The following OR4K14 variants were observed in gnomAD, a reference collection of about 807,000 sequenced individuals.
OR4K14 encodes olfactory receptor 4K14.
For missense variants in OR4K14, 406 were observed against 373.6 expected, an observed-to-expected ratio of 1.09 and a Z score of -0.72; for synonymous variants, 153 against 141.5, an observed-to-expected ratio of 1.08 and a Z score of -0.58.
In OR4K14 at chr14:20,015,182, C is replaced by T; in HGVS notation, c.12G>A (p.Gln4=). Residue 4 remains glutamine, a synonymous_variant, in exon 2 of 2, where the codon CAG becomes CAA. Coordinates refer to ENST00000641793, the MANE Select transcript of OR4K14 (RefSeq NM_001004712.2). ...CAAATTCTGACACCAAGGAATAGTT[C>T]TGTGGGTCCATTGCCTCAGGTTTCA... MDP[Q]NYSLVSEFVL... 6.3e-7 allele frequency: 1 copy of T among 1,598,218 alleles called. No individual in the cohort carries two copies. The highest frequency in any genetic ancestry group is 8.5e-7 in the Non-Finnish European group (1 of 1,173,570).
chr14:20,018,688 G>C (rs754857116), intron 1 of OR4K14, among the ~76,000 whole-genome samples: 1 of 152,046 alleles, frequency 6.6e-6, no homozygotes, highest in Non-Finnish European at 1.5e-5. Context: ...ATTTGCTATT[G>C]AATCAAAGTT....
rs969434655 is a variant in OR4K14, at chr14:20,015,266, G to A, written c.-29-44C>T. The A allele has an allele frequency of 6.4e-5, 56 of 878,028 alleles. 1 individual carries two copies. The highest frequency in any genetic ancestry group is 4.6e-4 in the Admixed American group (20 of 43,046). The allele number at this position is 878,028 out of a possible 1,614,324, so 54.4% of individuals were successfully genotyped here. ...CCTGTCATTTGCAGCAACACCTCAA[G>A]GACATTGTATTAAGTGAAATAAGCC... On this transcript the variant is annotated intron_variant, in intron 1 of 1. Coordinates refer to ENST00000641793, the MANE Select transcript of OR4K14 (RefSeq NM_001004712.2).
chr14:20,014,547 A>G lies in OR4K14; in HGVS notation c.647T>C (p.Leu216Pro). The change falls in exon 2 of 2, where the codon CTG (leucine) becomes CCG (proline). Residue 216 changes from leucine (L) to proline (P), a missense_variant. By Grantham distance (98) the Leu-to-Pro change is moderately conservative. Coordinates refer to ENST00000641793, the MANE Select transcript of OR4K14 (RefSeq NM_001004712.2). ...LLSLSCFLLLLISYTVILLAI... is the reference protein window; with the variant it reads ...LLSLSCFLLLPISYTVILLAI... Reference sequence around the variant, plus strand: ...GAGGAGGATCACGGTGTAGGAGATCAGGAGGAGCAGAAAACAGCTCAAGGA... The same window carrying G: ...GAGGAGGATCACGGTGTAGGAGATCGGGAGGAGCAGAAAACAGCTCAAGGA... 1.2e-6 allele frequency: 2 copies of G among 1,614,130 alleles called. No homozygotes were observed. The highest frequency in any genetic ancestry group is 1.7e-6 in the Non-Finnish European group (2 of 1,179,992).
At chr14:20,016,459 T>C (rs1877102308) in intron 1 of OR4K14, among the ~76,000 whole-genome samples, 1 of 152,038 alleles carries the variant, frequency 6.6e-6, no homozygotes, top group African/African-American at 2.4e-5. Context: ...AAAAGTCTCA[T>C]TTATTGTGTT....
In OR4K14 at chr14:20,014,534, G is replaced by A. The variant is rs1877047775; in HGVS notation, c.660C>T (p.Thr220=). ...GCTGTCTGATAGCGAGGAGGATCAC[G>A]GTGTAGGAGATCAGGAGGAGCAGAA... ...SCFLLLLISY[T]VILLAIRQRA... is the part of the protein sequence containing the mutation. Residue 220 remains threonine (T), a synonymous_variant, in exon 2 of 2, where the codon ACC becomes ACT. Transcript: ENST00000641793. 7 of 1,613,920 alleles carry A rather than the reference G, an allele frequency of 4.3e-6. No homozygotes were observed. The highest frequency in any genetic ancestry group is 1.3e-5 in the African/African-American group (1 of 74,906).
chr14:20,014,627 G>A lies in OR4K14; in HGVS notation c.567C>T (p.Ala189=). The change falls in exon 2 of 2, where the codon GCC becomes GCT. Residue 189 remains alanine (A), a synonymous_variant. Transcript: ENST00000641793. ...TACCCAAGACATAGGTGTCCATGCA[G>A]GCAAGTTTGATCACCAGAGGGAGGT... The part of the protein sequence containing the change: ...FCDLPLVIKL[A]CMDTYVLGII... 1 of 1,613,992 alleles carries A rather than the reference G, an allele frequency of 6.2e-7. No homozygotes were observed. The highest frequency in any genetic ancestry group is 1.1e-5 in the South Asian group (1 of 91,066).
Sources: gnomAD v4.1 joint callset for allele counts (sites outside exome capture counted in the v4.1 genomes callset) on GRCh38, gnomAD v4.1.1 for gene constraint, MANE v1.5 for transcripts, NCBI Gene and HGNC (gene_info 2026-07-23, HGNC 2026-07-21) for gene names.